ANKRD30A: variants seen among roughly 807,000 people sequenced by gnomAD.
The protein encoded by ANKRD30A is ankyrin repeat domain-containing protein 30A.
Under a neutral mutation model 166.3 loss-of-function variants are expected in ANKRD30A, and 170 were observed. The observed-to-expected ratio is 1.02, with a 90% CI of 0.90 to 1.16. The LOEUF is 1.16. Ranked by LOEUF, ANKRD30A falls within the 50% of genes most tolerant of loss-of-function variation. ANKRD30A has a pLI of 0.00. For synonymous variants in ANKRD30A, 564 were observed against 508.9 expected (o/e 1.11, Z -1.46); for missense variants, 1,630 against 1,518.0 (o/e 1.07, Z -1.23).
chr10:37,201,200 C>G, intron 30 of ANKRD30A, 35 bp from the exon 31 acceptor site: 2 of 1,419,198 alleles, frequency 1.4e-6, no homozygotes, highest in South Asian at 1.4e-5. Context: ...TAGGATTTTT[C>G]CATTGAAATT....
chr10:37,158,409 G>A lies in ANKRD30A; in HGVS notation c.1816G>A (p.Gly606Ser). 1 of 1,610,302 alleles carries A rather than the reference G, an allele frequency of 6.2e-7. No homozygotes were observed. Among genetic ancestry groups the A allele is most frequent in the Non-Finnish European group, 8.5e-7 (1 of 1,177,312 alleles). The change falls in exon 14 of 36, where the codon GGT becomes AGT. Residue 606 changes from glycine (G) to serine (S), a missense_variant. By Grantham distance (56) the Gly-to-Ser change is moderately conservative. This residue lies in a region of ANKRD30A where 904 missense variants were observed against 818.5 expected (regional missense o/e 1.10). Transcript: ENST00000361713. ...GKLEESPNKD[G>S]LLKATCGMKV... The stretch of plus-strand genomic sequence containing the variant: ...TCTTATAGAGTCTCCTAATAAAGAT[G>A]GTCTTCTGAAGGTAATAACTTTTAT...
At chr10:37,194,345 T>A (rs1007784117) in intron 27 of ANKRD30A, among the ~76,000 whole-genome samples, 1 of 151,984 alleles carries the variant, frequency 6.6e-6, no homozygotes, top group Non-Finnish European at 1.5e-5. Context: ...TTTCTTCAGT[T>A]TTTTTGTTTT....
intron 9 of ANKRD30A, among the ~76,000 whole-genome samples, chr10:37,148,472 T>G (rs1216113971): frequency 1.3e-5 from 2 of 152,112 alleles, no homozygotes; most frequent in Admixed American, 1.3e-4. Flanking sequence ...TTTTTTAAAT[T>G]TTTTTAAAAA....
intron 13 of ANKRD30A, among the ~76,000 whole-genome samples, chr10:37,156,594 C>T (rs781658550): frequency 3.4e-4 from 51 of 152,110 alleles, no homozygotes; most frequent in Non-Finnish European, 5.6e-4. Context: ...AATTTAATGC[C>T]AGTTATTTTC....
At chr10:37,197,561 A>G (rs1841240582) in intron 29 of ANKRD30A, 81 bp downstream of exon 29, 1 of 1,593,826 alleles carries the variant, frequency 6.3e-7, no homozygotes, top group Non-Finnish European at 8.6e-7. Context: ...CCAATGCTTT[A>G]TTTTTTTCAA....
At chr10:37,196,527 A>C (rs956047204) in intron 27 of ANKRD30A, among the ~76,000 whole-genome samples, 3 of 152,202 alleles carry the variant, frequency 2.0e-5, no homozygotes, top group African/African-American at 7.2e-5. Flanking sequence ...TACTGAATTT[A>C]TACTTCAAAA....
downstream of ANKRD30A, chr10:37,232,699 G>GT (rs1564604965): frequency 1.9e-4 from 1 of 5,324 alleles, no homozygotes; most frequent in East Asian, 9.3e-3. Context: ...TATATAAATA[G>GT]AGAGAGAGAG....
the ANKRD30A span, among the ~76,000 whole-genome samples, chr10:37,244,663 C>T: frequency 8.9e-4 from 136 of 152,348 alleles, 2 homozygotes; most frequent in African/African-American, 3.1e-3. Context: ...CATGCTTTCT[C>T]AGATATTTTG....
At chr10:37,228,720 C>G (rs910094622) in intron 34 of ANKRD30A, among the ~76,000 whole-genome samples, 2 of 151,902 alleles carry the variant, frequency 1.3e-5, no homozygotes, top group Admixed American at 1.3e-4. Flanking sequence ...CTCAGTAGCT[C>G]TTATGTCTGT....
chr10:37,190,961 AT>A (rs1840513695), intron 25 of ANKRD30A, among the ~76,000 whole-genome samples: 1 of 151,906 alleles, frequency 6.6e-6, no homozygotes, highest in African/African-American at 2.4e-5. Flanking sequence ...ATGAAACCTC[AT>A]TAGCAAATAA....
chr10:37,224,615 C>A (rs1037825584), intron 34 of ANKRD30A, among the ~76,000 whole-genome samples: 1 of 151,268 alleles, frequency 6.6e-6, no homozygotes, highest in Admixed American at 6.6e-5. Flanking sequence ...CCTTTGAAGC[C>A]CCCAAGACGG....
chr10:37,165,250 T>C, intron 18 of ANKRD30A, 95 bp downstream of exon 18: 1 of 1,164,222 alleles, frequency 8.6e-7, no homozygotes, highest in Non-Finnish European at 1.3e-6. Flanking sequence ...CCTCTGCATG[T>C]GTCACCCTCA....
intron 15 of ANKRD30A, among the ~76,000 whole-genome samples, chr10:37,161,342 A>G (rs1189056631): frequency 6.6e-6 from 1 of 152,232 alleles, no homozygotes; most frequent in East Asian, 1.9e-4. Flanking sequence ...CAGAAATTAT[A>G]GATTTAAGAT....
intron 6 of ANKRD30A, among the ~76,000 whole-genome samples, chr10:37,138,984 G>A (rs1389423086): frequency 5.3e-5 from 8 of 152,128 alleles, no homozygotes; most frequent in Admixed American, 2.0e-4. Context: ...GAGAAAGGTC[G>A]GGTTACCCAC....
the ANKRD30A span, chr10:37,248,198 G>C: frequency 3.2e-6 from 2 of 633,092 alleles, no homozygotes; most frequent in Non-Finnish European, 6.2e-6. Flanking sequence ...GGTTTCCCCA[G>C]CTCTACAAAA....
chr10:37,125,840 CG>C lies in ANKRD30A; in HGVS notation c.54del (p.Ser19AlafsTer6). 1 of 1,133,070 alleles carries C rather than the reference CG, an allele frequency of 8.8e-7. No individual in the cohort carries two copies. Among genetic ancestry groups the C allele is most frequent in the South Asian group, 1.4e-5 (1 of 73,370 alleles). 70.2% of individuals were successfully genotyped at this position (1,133,070 alleles called of 1,614,324 possible). A position where few individuals can be genotyped will look rare whatever the true frequency, so the allele number is the denominator to read the frequency against. Reference protein sequence around the residue: ...AVKVVPGPERPSPFSQLVYTS... With the variant: ...AVKVVPGPERXSPFSQLVYTS... ...AAGGTCGTGCCGGGCCCGGAGCGCC[CG>C]AGCCCTTTCAGCCAGCTAGTCTATA... On this transcript the variant is annotated frameshift_variant, in exon 1 of 36. Transcript: ENST00000361713. LOFTEE classifies it high-confidence loss of function.
At chr10:37,251,207 G>C in the ANKRD30A span, among the ~76,000 whole-genome samples, 1 of 152,184 alleles carries the variant, frequency 6.6e-6, no homozygotes, top group African/African-American at 2.4e-5. Flanking sequence ...GGAGTGAAAG[G>C]TGGTAGGAAT....
intron 5 of ANKRD30A, chr10:37,135,098 T>G (rs1415004397): frequency 2.6e-5 from 4 of 152,178 alleles, no homozygotes; most frequent in Non-Finnish European, 5.9e-5. Context: ...CTATCTCAAG[T>G]TTTTAAAATA....
chr10:37,236,455 C>T (rs543262402), downstream of ANKRD30A, among the ~76,000 whole-genome samples: 1 of 152,290 alleles, frequency 6.6e-6, no homozygotes, highest in African/African-American at 2.4e-5. Flanking sequence ...ACAGTCAACG[C>T]AAACTCATGT....
Sources: allele counts gnomAD v4.1 joint callset (sites outside exome capture counted in the v4.1 genomes callset), GRCh38; gene constraint gnomAD v4.1.1; regional missense constraint gnomAD v4.1.1; transcripts MANE v1.5; gene names NCBI Gene and HGNC (gene_info 2026-07-23, HGNC 2026-07-21).